The following TCEA1 variants were observed in gnomAD, a reference collection of about 807,000 sequenced individuals.
The protein encoded by TCEA1 is transcription elongation factor A protein 1.
A neutral mutation model predicts 43.8 loss-of-function variants in TCEA1; 21 were observed. That is an observed-to-expected ratio of 0.48 (90% CI 0.34 to 0.69). The LOEUF is 0.69. TCEA1 is among the 30% of genes least tolerant of loss of function. The probability of loss-of-function intolerance (pLI) is 0.01; values close to 1 mark genes in which losing one functional copy is unlikely to be tolerated. For synonymous variants in TCEA1, 104 were observed against 117.5 expected (o/e 0.88, Z 0.75); for missense variants, 250 against 365.1 (o/e 0.68, Z 2.57).
At chr8:53,993,575 G>C (rs1242477023) in intron 4 of TCEA1, 93 bp downstream of exon 4, 2 of 938,410 alleles carry the variant, frequency 2.1e-6, no homozygotes, top group East Asian at 5.1e-5. Context: ...AACAAAAAAA[G>C]GAGTGTAAAT....
At chr8:54,000,167 C>T in intron 2 of TCEA1, 117 bp from the exon 3 acceptor site, 1 of 653,972 alleles carries the variant, frequency 1.5e-6, no homozygotes, top group South Asian at 2.4e-5. Context: ...TTCAAAACTT[C>T]AATTTTTGGA....
At chr8:53,988,819 C>A (rs1385632213) in intron 4 of TCEA1, among the ~76,000 whole-genome samples, 2 of 152,208 alleles carry the variant, frequency 1.3e-5, no homozygotes, top group African/African-American at 4.8e-5. Flanking sequence ...GTAATCCCAG[C>A]ACTTTGGGAG....
At chr8:54,006,335 C>T (rs554469387) in intron 2 of TCEA1, among the ~76,000 whole-genome samples, 45 of 152,188 alleles carry the variant, frequency 3.0e-4, no homozygotes, top group African/African-American at 1.1e-3. Flanking sequence ...AACTCTTAGC[C>T]GGGTGTGGTG....
At chr8:54,007,371 G>C (rs1050326435) in intron 2 of TCEA1, among the ~76,000 whole-genome samples, 19 of 152,196 alleles carry the variant, frequency 1.2e-4, no homozygotes, top group Admixed American at 8.5e-4. Flanking sequence ...TATCAAGACA[G>C]AGTCTTGCTA....
At chr8:53,974,192 GA>G (rs1464287558) in intron 8 of TCEA1, 9 of 153,704 alleles carry the variant, frequency 5.9e-5, no homozygotes, top group South Asian at 2.0e-4. Flanking sequence ...TTTCAAGCAA[GA>G]AAAAAAAAGT....
chr8:54,000,123 T>C (rs895187818), intron 2 of TCEA1, 73 bp from the exon 3 acceptor site: 26 of 922,084 alleles, frequency 2.8e-5, no homozygotes, highest in Non-Finnish European at 3.8e-5. Flanking sequence ...CCTACATTCT[T>C]TTCTTTCCCA....
chr8:53,973,685 GA>G (rs1488779148), intron 8 of TCEA1: 10 of 551,480 alleles, frequency 1.8e-5, no homozygotes, highest in Admixed American at 4.9e-5. Context: ...AGCAGCTCAT[GA>G]AAAAAAAGAA....
At chr8:53,979,319 G>T (rs1803435160) in intron 7 of TCEA1, 148 bp from the exon 8 acceptor site, 4 of 942,174 alleles carry the variant, frequency 4.2e-6, no homozygotes, top group Non-Finnish European at 5.9e-6. Context: ...TTCCTCAAAG[G>T]CTTTGTAAGA....
chr8:53,997,308 A>G (rs1031954589), intron 3 of TCEA1, among the ~76,000 whole-genome samples: 2 of 152,178 alleles, frequency 1.3e-5, no homozygotes, highest in Non-Finnish European at 2.9e-5. Flanking sequence ...GATTGGTTTG[A>G]GCAAAAAATC....
chr8:54,022,066 G>A lies in TCEA1; in HGVS notation c.60C>T (p.Asn20=), dbSNP rs745685647. ...CCGCGCCGCTCGCCGCGCTCACCGC[G>A]TTCTTCTTCTGCACCATCTTGTCCA... is the stretch of plus-strand genomic sequence containing the variant. ...KKMDKMVQKK[N]AAGALDLLKE... Residue 20 remains asparagine (N), a synonymous_variant, in exon 1 of 10, where the codon AAC becomes AAT. Transcript: ENST00000521604. The A allele has an allele frequency of 2.7e-6, 4 of 1,504,726 alleles. No homozygotes were observed. In the East Asian group the frequency reaches 8.4e-5, roughly 32 times the overall value. The allele number at this position is 1,504,726 out of a possible 1,614,324, so 93.2% of individuals were successfully genotyped here.
rs115223556 is a variant in TCEA1 at position 54,004,384 on chromosome 8, C to A, written c.127-4334G>T. The stretch of plus-strand genomic sequence containing the variant: ...CAGCCAAAAAAGTCTAAACGCATCA[C>A]CTGACAAATGGATAAACAACATGTG... On this transcript the variant is annotated intron_variant, in intron 2 of 9. Transcript: ENST00000521604. 4.1e-3 allele frequency among the ~76,000 whole-genome samples: 621 copies of A among 152,274 alleles called. 4 individuals are homozygous for A. Among genetic ancestry groups the A allele is most frequent in the African/African-American group, 0.014 (592 of 41,550 alleles).
At chr8:54,014,295 C>T (rs1306340571) in intron 1 of TCEA1, among the ~76,000 whole-genome samples, 2 of 152,006 alleles carry the variant, frequency 1.3e-5, no homozygotes, top group African/African-American at 4.8e-5. Flanking sequence ...TTAGCCTTCC[C>T]CAAGCATCAC....
intron 1 of TCEA1, among the ~76,000 whole-genome samples, chr8:54,016,898 T>C (rs887759462): frequency 1.4e-5 from 2 of 139,338 alleles, no homozygotes; most frequent in Non-Finnish European, 3.0e-5. Context: ...TGCTTGAACC[T>C]GGGAGGCGGA....
chr8:54,008,151 CCA>C (rs1272535194), intron 2 of TCEA1, among the ~76,000 whole-genome samples: 1 of 137,528 alleles, frequency 7.3e-6, no homozygotes, highest in Non-Finnish European at 1.5e-5. Context: ...CCATCCTGGG[CCA>C]CAGAGTGAAA....
chr8:53,974,516 T>TTGGG (rs1803266062), intron 8 of TCEA1, among the ~76,000 whole-genome samples: 1 of 8,392 alleles, frequency 1.2e-4, no homozygotes, highest in Non-Finnish European at 2.8e-4. Flanking sequence ...CTGGTTTTTT[T>TTGGG]GGGGGGTAGT....
chr8:54,007,984 C>T (rs1804529870), intron 2 of TCEA1, among the ~76,000 whole-genome samples: 1 of 151,756 alleles, frequency 6.6e-6, no homozygotes, highest in South Asian at 2.1e-4. Flanking sequence ...GAGTTTGAGA[C>T]CAGCCTGGCC....
chr8:53,985,725 G>A lies in TCEA1; in HGVS notation c.524-1208C>T, dbSNP rs1018681568. Among the ~76,000 whole-genome samples, 3 of 152,050 alleles carry A rather than the reference G, an allele frequency of 2.0e-5. No individual in the cohort carries two copies. The East Asian group carries it at 5.8e-4, about 29-fold the overall frequency. ...TGCTCCCTGCCCCTACTCACACACA[G>A]TACCCCTCTCCTGGAGCCCTTTCCC... On this transcript the variant is annotated intron_variant, in intron 6 of 9. Coordinates refer to ENST00000521604, the MANE Select transcript of TCEA1 (RefSeq NM_006756.4).
At chr8:53,982,577 C>T (rs981976444) in intron 7 of TCEA1, among the ~76,000 whole-genome samples, 19 of 138,364 alleles carry the variant, frequency 1.4e-4, no homozygotes, top group African/African-American at 4.5e-4. Flanking sequence ...CACTGCACTC[C>T]AGCCTGGGCG....
chr8:53,995,161 C>T (rs1455393683), intron 3 of TCEA1, among the ~76,000 whole-genome samples: 2 of 151,732 alleles, frequency 1.3e-5, no homozygotes, highest in Non-Finnish European at 2.9e-5. Flanking sequence ...ATTAGCTGGA[C>T]ATGGTGGTGC....
Sources: gnomAD v4.1 joint callset for allele counts (sites outside exome capture counted in the v4.1 genomes callset) on GRCh38, gnomAD v4.1.1 for gene constraint, MANE v1.5 for transcripts, NCBI Gene and HGNC (gene_info 2026-07-23, HGNC 2026-07-21) for gene names.